ZNF829: variants seen among roughly 807,000 people sequenced by gnomAD.
ZNF829 encodes the protein zinc finger protein 829.
A neutral mutation model predicts 35.2 loss-of-function variants in ZNF829; 25 were observed. The observed-to-expected ratio is 0.71, with a 90% CI of 0.52 to 0.99. The LOEUF (loss-of-function observed/expected upper bound fraction) is 0.99, where lower values mean the gene tolerates loss of function less well. Ranked by LOEUF, ZNF829 falls within the 50% of genes least tolerant of loss-of-function variation. ZNF829 has a pLI of 0.00. For missense variants in ZNF829, 417 were observed against 515.3 expected (o/e 0.81, Z 1.85); for synonymous variants, 136 against 163.2 (o/e 0.83, Z 1.27).
At chr19:36,901,916 A>G (rs77810738) in intron 5 of ZNF829, 28,971 of 761,014 alleles carry the variant, frequency 0.038, 793 homozygotes, top group South Asian at 0.083. Flanking sequence ...GGAGATGGGA[A>G]CTCCAGATGT....
chr19:36,911,153 A>G (rs951703569), intron 3 of ZNF829, among the ~76,000 whole-genome samples: 2 of 152,100 alleles, frequency 1.3e-5, no homozygotes, highest in African/African-American at 4.8e-5. Flanking sequence ...GCTAGGCAGA[A>G]GTGCAGTGCC....
rs2073033109 is a variant in ZNF829, at chr19:36,889,789, A to G, written c.*1703T>C. 1 of 151,582 alleles carries G rather than the reference A, an allele frequency of 6.6e-6. No individual in the cohort carries two copies. Among genetic ancestry groups the G allele is most frequent in the Non-Finnish European group, 1.5e-5 (1 of 67,888 alleles). 9.4% of individuals were successfully genotyped at this position (151,582 alleles called of 1,614,324 possible). A position where few individuals can be genotyped will look rare whatever the true frequency, so the allele number is the denominator to read the frequency against. ...ATTTTTGCCTGCTCTGATATTTGTT[A>G]TTGCTTTTCTTCTGCCAGCTTTGGG... is the stretch of plus-strand genomic sequence containing the variant. On this transcript the variant is annotated 3_prime_UTR_variant, in exon 6 of 6. Transcript: ENST00000391711.
intron 3 of ZNF829, among the ~76,000 whole-genome samples, chr19:36,914,494 T>A (rs892253847): frequency 6.6e-6 from 1 of 152,094 alleles, no homozygotes; most frequent in Admixed American, 6.6e-5. Context: ...AATTCAAACC[T>A]GTGGGGGTGG....
intron 1 of ZNF829, among the ~76,000 whole-genome samples, chr19:36,915,598 G>A (rs377537345): frequency 6.8e-6 from 1 of 147,948 alleles, no homozygotes; most frequent in Non-Finnish European, 1.5e-5. Flanking sequence ...CTCTTTTTTT[G>A]GGGGGGTGGG....
chr19:36,900,906 C>T (rs2073160070), intron 5 of ZNF829, among the ~76,000 whole-genome samples: 1 of 149,788 alleles, frequency 6.7e-6, no homozygotes, highest in South Asian at 2.1e-4. Context: ...GAAACTGGAA[C>T]CATCATACAC....
At chr19:36,910,781 T>A (rs919854512) in intron 3 of ZNF829, among the ~76,000 whole-genome samples, 1 of 151,456 alleles carries the variant, frequency 6.6e-6, no homozygotes, top group African/African-American at 2.4e-5. Flanking sequence ...CCAAGGGGGG[T>A]GGATCACCTG....
chr19:36,905,754 A>G (rs2073210572), intron 5 of ZNF829: 2 of 152,120 alleles, frequency 1.3e-5, no homozygotes, highest in Admixed American at 1.3e-4. Flanking sequence ...TAAAATTTAC[A>G]ATGAAAATGC....
At chr19:36,910,091 T>C (rs2146248338) in intron 3 of ZNF829, among the ~76,000 whole-genome samples, 2 of 152,088 alleles carry the variant, frequency 1.3e-5, no homozygotes, top group East Asian at 3.9e-4. Context: ...TGAAAAATTT[T>C]TTTTTTTTTT....
At chr19:36,908,293 C>A in intron 4 of ZNF829, 40 bp downstream of exon 4, 1 of 1,586,386 alleles carries the variant, frequency 6.3e-7, no homozygotes, top group Non-Finnish European at 8.6e-7. Flanking sequence ...GAGACACTTC[C>A]AAGGGCACAC....
At chr19:36,892,954 A>AGCGGCATCC in intron 5 of ZNF829, 1 of 578,436 alleles carries the variant, frequency 1.7e-6, no homozygotes. Context: ...GGCCAGCAGG[A>AGCGGCATCC]TGCCGCTTCT....
At chr19:36,900,145 AACACAC>A (rs56218050) in intron 5 of ZNF829, among the ~76,000 whole-genome samples, 7,748 of 120,252 alleles carry the variant, frequency 0.064, 286 homozygotes, top group African/African-American at 0.11. Context: ...GTCTCTACTA[AACACAC>A]ACACACACAC....
intron 5 of ZNF829, among the ~76,000 whole-genome samples, chr19:36,896,093 C>T (rs1180928532): frequency 6.6e-6 from 1 of 151,956 alleles, no homozygotes; most frequent in Admixed American, 6.6e-5. Flanking sequence ...AGGCAGATCA[C>T]GAGGTCAGGA....
chr19:36,900,249 C>A (rs2073153640), intron 5 of ZNF829, among the ~76,000 whole-genome samples: 1 of 150,454 alleles, frequency 6.6e-6, no homozygotes, highest in African/African-American at 2.5e-5. Flanking sequence ...ACTTGGGAGG[C>A]TGAGGCATGA....
intron 5 of ZNF829, among the ~76,000 whole-genome samples, chr19:36,902,633 A>G (rs1039507633): frequency 6.6e-6 from 1 of 151,162 alleles, no homozygotes; most frequent in Non-Finnish European, 1.5e-5. Context: ...CAACAGAGCC[A>G]GACTCTGTCT....
chr19:36,901,947 A>C, intron 5 of ZNF829: 1 of 760,184 alleles, frequency 1.3e-6, no homozygotes. Context: ...ACCAGGCTCA[A>C]CAAAGCTGTC....
Position 36,894,286 on chromosome 19 carries a change from T to C in ZNF829, c.320-1815A>G, listed in dbSNP as rs11879215. Among the ~76,000 whole-genome samples the C allele has an allele frequency of 8.8e-3, 1,340 of 151,958 alleles. 19 individuals are homozygous for C. Among genetic ancestry groups the C allele is most frequent in the African/African-American group, 0.029 (1,189 of 41,428 alleles). On this transcript the variant is annotated intron_variant, in intron 5 of 5. Transcript: ENST00000391711. ...CTACCCAACCAACACTATAAATACA[T>C]CTACAGGAAAAAGGTTTTCCTTATG... is the stretch of plus-strand genomic sequence containing the variant.
Position 36,891,766 on chromosome 19 carries a change from T to C in ZNF829, c.1025A>G (p.His342Arg), listed in dbSNP as rs370987908. ...AFNSASTLTN[H>R]HRIHAGEKLY... ...CTTCTCACCAGCATGAATTCTGTGA[T>C]GGTTAGTAAGTGTTGAGGCACTATT... Residue 342 changes from histidine to arginine, a missense_variant, in exon 6 of 6, where the codon CAT becomes CGT. Coordinates refer to ENST00000391711, the MANE Select transcript of ZNF829 (RefSeq NM_001037232.4). 41 of 1,614,060 alleles carry C rather than the reference T, an allele frequency of 2.5e-5. No individual in the cohort carries two copies. The highest frequency in any genetic ancestry group is 4.2e-6 in the Non-Finnish European group (5 of 1,180,034).
chr19:36,892,372 G>A lies in ZNF829; in HGVS notation c.419C>T (p.Pro140Leu). ...TREDMSTFIQ[P>L]TFLIPPQKTM... ...TTTTTGAGGTGGAATAAGAAATGTG[G>A]GCTGAATAAAAGTAGACATGTCTTC... The change falls in exon 6 of 6, where the codon CCC becomes CTC. Residue 140 changes from proline to leucine, a missense_variant. By Grantham distance (98) the Pro-to-Leu change is moderately conservative (BLOSUM62 -3). Coordinates refer to ENST00000391711, the MANE Select transcript of ZNF829 (RefSeq NM_001037232.4). 1 of 1,613,388 alleles carries A rather than the reference G, an allele frequency of 6.2e-7. No individual in the cohort carries two copies. The highest frequency in any genetic ancestry group is 1.7e-5 in the Admixed American group (1 of 60,008).
At chr19:36,914,060 C>G (rs528401267) in intron 3 of ZNF829, among the ~76,000 whole-genome samples, 1 of 152,242 alleles carries the variant, frequency 6.6e-6, no homozygotes, top group South Asian at 2.1e-4. Context: ...GAATCTGACT[C>G]TTACCTCATA....
Sources: gnomAD v4.1 joint callset for allele counts (sites outside exome capture counted in the v4.1 genomes callset) on GRCh38, gnomAD v4.1.1 for gene constraint, MANE v1.5 for transcripts, NCBI Gene and HGNC (gene_info 2026-07-23, HGNC 2026-07-21) for gene names.